RNF111: variants seen among roughly 807,000 people sequenced by gnomAD.
RNF111 encodes the protein ring finger protein 111, also known as E3 ubiquitin-protein ligase Arkadia.
Under a neutral mutation model 95.1 loss-of-function variants are expected in RNF111, and 17 were observed. That is an observed-to-expected ratio of 0.18 (90% confidence interval 0.12 to 0.27). RNF111 has a LOEUF of 0.27. RNF111 is among the 10% of genes least tolerant of loss of function. RNF111 has a pLI of 1.00. For missense variants in RNF111, 1,189 were observed against 1,210.4 expected, an observed-to-expected ratio of 0.98 and a Z score of 0.26; for synonymous variants, 440 against 414.8, an observed-to-expected ratio of 1.06 and a Z score of -0.74.
At chr15:59,081,940 G>T (rs572536892) in intron 8 of RNF111, among the ~76,000 whole-genome samples, 3 of 152,212 alleles carry the variant, frequency 2.0e-5, no homozygotes, top group South Asian at 4.2e-4. Context: ...TGAAAGGATC[G>T]TCTGAGCCCA....
At chr15:59,069,396 A>G (rs921936079) in intron 6 of RNF111, among the ~76,000 whole-genome samples, 3 of 152,196 alleles carry the variant, frequency 2.0e-5, no homozygotes, top group Non-Finnish European at 4.4e-5. Context: ...AGCTTTTCCT[A>G]CATTCATTAA....
intron 1 of RNF111, among the ~76,000 whole-genome samples, chr15:59,020,797 A>G (rs1402764628): frequency 1.3e-5 from 2 of 152,178 alleles, no homozygotes; most frequent in East Asian, 3.8e-4. Flanking sequence ...AATAGAGGAA[A>G]GTCTGTAGAA....
intron 1 of RNF111, among the ~76,000 whole-genome samples, chr15:59,001,960 T>G (rs1187431057): frequency 2.6e-5 from 4 of 152,218 alleles, no homozygotes; most frequent in Non-Finnish European, 4.4e-5. Context: ...TAATAAAAAT[T>G]GTGTGAATGT....
chr15:59,059,985 G>T (rs1009158056), intron 5 of RNF111, among the ~76,000 whole-genome samples: 3 of 152,134 alleles, frequency 2.0e-5, no homozygotes, highest in Admixed American at 2.0e-4. Context: ...CATGTGGCTG[G>T]ATCAGGAAGT....
At chr15:59,009,136 T>C (rs1034469392) in intron 1 of RNF111, among the ~76,000 whole-genome samples, 5 of 151,952 alleles carry the variant, frequency 3.3e-5, no homozygotes, top group Admixed American at 3.3e-4. Context: ...TTTTTTGTAT[T>C]TTTAGTAGAG....
chr15:59,037,763 G>A (rs141537519), intron 2 of RNF111, among the ~76,000 whole-genome samples: 3,397 of 152,232 alleles, frequency 0.022, 64 homozygotes, highest in Middle Eastern at 0.044. Flanking sequence ...TTGAACCTGG[G>A]AAGCAGAGGT....
intron 1 of RNF111, among the ~76,000 whole-genome samples, chr15:59,022,286 C>T (rs1442139778): frequency 1.3e-5 from 2 of 152,100 alleles, no homozygotes; most frequent in African/African-American, 2.4e-5. Flanking sequence ...TACTTAGAGG[C>T]GACAGAGAAT....
chr15:59,000,565 C>T (rs1195527088), intron 1 of RNF111, among the ~76,000 whole-genome samples: 1 of 151,990 alleles, frequency 6.6e-6, no homozygotes, highest in Non-Finnish European at 1.5e-5. Context: ...TACAAAACAG[C>T]CAGGTATGGT....
chr15:59,073,189 G>C (rs1424365317), intron 6 of RNF111, among the ~76,000 whole-genome samples: 1 of 152,006 alleles, frequency 6.6e-6, no homozygotes, highest in Non-Finnish European at 1.5e-5. Flanking sequence ...AAATAAAAGA[G>C]CCTGGGTGCA....
At chr15:59,058,950 A>G (rs140988886) in intron 5 of RNF111, among the ~76,000 whole-genome samples, 1 of 152,192 alleles carries the variant, frequency 6.6e-6, no homozygotes, top group Non-Finnish European at 1.5e-5. Flanking sequence ...TCTGATAAGC[A>G]CTTTAGAATC....
At chr15:59,004,869 C>T (rs1422179950) in intron 1 of RNF111, among the ~76,000 whole-genome samples, 1 of 152,058 alleles carries the variant, frequency 6.6e-6, no homozygotes, top group Non-Finnish European at 1.5e-5. Context: ...ATAAATGGCT[C>T]TAAATATTAG....
intron 10 of RNF111, 133 bp from the exon 11 acceptor site, chr15:59,089,534 T>C (rs573025992): frequency 7.3e-6 from 5 of 685,756 alleles, no homozygotes; most frequent in Admixed American, 2.2e-5. Context: ...GTTGGAGTTA[T>C]GTATTCTTAT....
At chr15:59,072,688 G>A (rs1039503181) in intron 6 of RNF111, among the ~76,000 whole-genome samples, 11 of 151,526 alleles carry the variant, frequency 7.3e-5, no homozygotes, top group Non-Finnish European at 1.5e-4. Context: ...TCCTGACCTC[G>A]TGATCTGCCT....
chr15:59,028,190 T>C (rs2040721041), intron 1 of RNF111, among the ~76,000 whole-genome samples: 1 of 152,204 alleles, frequency 6.6e-6, no homozygotes, highest in Non-Finnish European at 1.5e-5. Flanking sequence ...CCACATTCTA[T>C]CTATGTAGAT....
intron 1 of RNF111, among the ~76,000 whole-genome samples, chr15:59,019,057 GAGAC>G (rs536628228): frequency 2.0e-3 from 307 of 151,428 alleles, no homozygotes; most frequent in African/African-American, 6.9e-3. Context: ...CCGTGTAGGT[GAGAC>G]TTCAGGCACG....
At chr15:59,094,695 A>G (rs1461814510) in intron 13 of RNF111, 88 bp from the exon 14 acceptor site, 9 of 775,990 alleles carry the variant, frequency 1.2e-5, no homozygotes, top group African/African-American at 8.7e-5. Context: ...CCTTCAAAAC[A>G]TTATTGAATT....
chr15:58,990,141 T>C (rs2038746407), intron 1 of RNF111, among the ~76,000 whole-genome samples: 1 of 152,222 alleles, frequency 6.6e-6, no homozygotes, highest in Non-Finnish European at 1.5e-5. Flanking sequence ...ATACATTAGA[T>C]CTCCGAGTTT....
chr15:59,075,911 G>T lies in RNF111; in HGVS notation c.1687-43G>T. On this transcript the variant is annotated intron_variant, in intron 6 of 13. Coordinates refer to ENST00000348370, the MANE Select transcript of RNF111 (RefSeq NM_017610.8). ...TTTTATAATATAACATGAAATATTTGACCAAACTTTAGAAAGATAAAATAT... is the reference window on the plus strand; with the variant it reads ...TTTTATAATATAACATGAAATATTTTACCAAACTTTAGAAAGATAAAATAT... 6 of 1,592,608 alleles carry T rather than the reference G, an allele frequency of 3.8e-6. No individual in the cohort carries two copies. In the South Asian group the frequency reaches 6.7e-5, roughly 18 times the overall value.
intron 1 of RNF111, among the ~76,000 whole-genome samples, chr15:58,995,923 T>C (rs1348663174): frequency 6.6e-6 from 1 of 152,090 alleles, no homozygotes; most frequent in Non-Finnish European, 1.5e-5. Flanking sequence ...GCTGTTGTGT[T>C]ATTTATATAC....
Sources: gnomAD v4.1 joint callset for allele counts (sites outside exome capture counted in the v4.1 genomes callset) on GRCh38, gnomAD v4.1.1 for gene constraint, MANE v1.5 for transcripts, NCBI Gene and HGNC (gene_info 2026-07-23, HGNC 2026-07-21) for gene names.